Variants in GRID2 observed in about 807,000 individuals in gnomAD.
GRID2 encodes the protein glutamate ionotropic receptor delta type subunit 2.
In GRID2, 33 loss-of-function variants were observed where a neutral mutation model predicts 114.8. That is an observed-to-expected ratio of 0.29 (90% CI 0.22 to 0.38). GRID2 has a LOEUF of 0.38. Ranked by LOEUF, GRID2 falls within the 10% of genes least tolerant of loss-of-function variation. The pLI, the probability that GRID2 is intolerant of heterozygous loss-of-function variation, is 1.00. For missense variants in GRID2, 1,184 were observed against 1,257.7 expected, an observed-to-expected ratio of 0.94 and a Z score of 0.89; for synonymous variants, 505 against 449.9, an observed-to-expected ratio of 1.12 and a Z score of -1.55.
intron 1 of GRID2, among the ~76,000 whole-genome samples, chr4:93,779,827 G>C (rs1284573440): frequency 1.3e-5 from 2 of 152,180 alleles, no homozygotes; most frequent in Non-Finnish European, 2.9e-5. Context: ...AGTAGACCAC[G>C]ATGTCTGGAA....
intron 14 of GRID2, among the ~76,000 whole-genome samples, chr4:93,736,784 G>A (rs1730955480): frequency 6.9e-6 from 1 of 144,108 alleles, no homozygotes; most frequent in Non-Finnish European, 1.5e-5. Context: ...TAAGAGAAAA[G>A]CCTGAAGTAA....
chr4:93,587,347 T>A (rs866954617), intron 13 of GRID2, among the ~76,000 whole-genome samples: 27 of 152,260 alleles, frequency 1.8e-4, no homozygotes, highest in African/African-American at 5.5e-4. Context: ...ACGTATTTGA[T>A]AGATATGTTA....
chr4:92,304,596 T>A lies in GRID2; in HGVS notation c.-61T>A. ...CACCGTGACCTCAAACTCTTTGGAC[T>A]GTTTGAAAAAAAAAAAATTGGAAGA... On this transcript the variant is annotated 5_prime_UTR_variant, in exon 1 of 16. Coordinates refer to ENST00000282020, the MANE Select transcript of GRID2 (RefSeq NM_001510.4). 8.9e-7 allele frequency: 1 copy of A among 1,124,028 alleles called. No individual in the cohort carries two copies. The highest frequency in any genetic ancestry group is 1.2e-5 in the South Asian group (1 of 80,802). 69.6% of individuals were successfully genotyped at this position (1,124,028 alleles called of 1,614,324 possible). A position where few individuals can be genotyped will look rare whatever the true frequency, so the allele number is the denominator to read the frequency against.
intron 8 of GRID2, among the ~76,000 whole-genome samples, chr4:93,362,882 C>A (rs925303712): frequency 6.6e-6 from 1 of 152,114 alleles, no homozygotes; most frequent in African/African-American, 2.4e-5. Flanking sequence ...TATACTCATG[C>A]AAGCTCATAC....
intron 1 of GRID2, among the ~76,000 whole-genome samples, chr4:93,782,817 A>G (rs1734506090): frequency 1.3e-5 from 2 of 152,148 alleles, no homozygotes; most frequent in Admixed American, 1.3e-4. Context: ...TGATTTCCCA[A>G]TTATTTGAGA....
chr4:93,708,274 T>C (rs1351329115), intron 14 of GRID2, among the ~76,000 whole-genome samples: 2 of 151,960 alleles, frequency 1.3e-5, no homozygotes, highest in Non-Finnish European at 2.9e-5. Flanking sequence ...GAATAATCTT[T>C]CCAGTGCTGT....
intron 8 of GRID2, among the ~76,000 whole-genome samples, chr4:93,378,618 G>A (rs1403901290): frequency 6.6e-6 from 1 of 152,060 alleles, no homozygotes; most frequent in Non-Finnish European, 1.5e-5. Context: ...TGATATTTAA[G>A]TGGATATTTA....
chr4:92,789,102 A>G (rs533852412), intron 2 of GRID2, among the ~76,000 whole-genome samples: 3 of 152,012 alleles, frequency 2.0e-5, no homozygotes, highest in East Asian at 3.9e-4. Context: ...ATTAGCATTT[A>G]GAAGATATTA....
intron 2 of GRID2, among the ~76,000 whole-genome samples, chr4:92,774,734 TA>T (rs574377827): frequency 1.6e-3 from 246 of 152,102 alleles, no homozygotes; most frequent in African/African-American, 5.8e-3. Context: ...TAGCTGGGAC[TA>T]CAGGCTCACA....
At chr4:93,178,736 G>A (rs1440307566) in intron 4 of GRID2, among the ~76,000 whole-genome samples, 1 of 151,934 alleles carries the variant, frequency 6.6e-6, no homozygotes, top group Non-Finnish European at 1.5e-5. Flanking sequence ...TATGCGATGT[G>A]TGTGAATGTG....
chr4:93,695,137 C>G (rs1726904654), intron 14 of GRID2, among the ~76,000 whole-genome samples: 1 of 148,798 alleles, frequency 6.7e-6, no homozygotes, highest in Non-Finnish European at 1.5e-5. Context: ...AGCCACTGCA[C>G]TCCAGCCTGG....
chr4:93,573,371 A>G (rs1047113766), intron 13 of GRID2, among the ~76,000 whole-genome samples: 6 of 152,170 alleles, frequency 3.9e-5, no homozygotes, highest in African/African-American at 1.2e-4. Context: ...GCACAGTGCT[A>G]TACATGTTAA....
At chr4:93,620,831 A>G (rs898388089) in intron 13 of GRID2, among the ~76,000 whole-genome samples, 3 of 152,198 alleles carry the variant, frequency 2.0e-5, no homozygotes, top group African/African-American at 7.2e-5. Context: ...TACTATTGAT[A>G]AGGAATTTAA....
At chr4:92,897,439 A>G (rs1439629825) in intron 2 of GRID2, among the ~76,000 whole-genome samples, 1 of 152,176 alleles carries the variant, frequency 6.6e-6, no homozygotes, top group African/African-American at 2.4e-5. Context: ...TTAAAAAAAA[A>G]GTAAGTTAGA....
intron 4 of GRID2, among the ~76,000 whole-genome samples, chr4:93,177,067 A>G (rs552100878): frequency 1.4e-3 from 214 of 152,264 alleles, no homozygotes; most frequent in African/African-American, 4.9e-3. Context: ...TATGGATCCA[A>G]TTTAGGTTAC....
intron 2 of GRID2, among the ~76,000 whole-genome samples, chr4:92,951,543 A>ATCC (rs1752040546): frequency 6.6e-6 from 1 of 151,950 alleles, no homozygotes; most frequent in African/African-American, 2.4e-5. Context: ...GGGTTTCAAC[A>ATCC]TGTTGCCCAG....
intron 1 of GRID2, among the ~76,000 whole-genome samples, chr4:92,514,493 A>C (rs1417777184): frequency 6.6e-6 from 1 of 151,888 alleles, no homozygotes; most frequent in African/African-American, 2.4e-5. Flanking sequence ...AAAGTCTGCT[A>C]TTTCCATAGG....
At chr4:93,173,655 C>T (rs1360471661) in intron 4 of GRID2, among the ~76,000 whole-genome samples, 1 of 151,936 alleles carries the variant, frequency 6.6e-6, no homozygotes, top group Admixed American at 6.6e-5. Flanking sequence ...TTTTTTGAGA[C>T]GTCTCATTCT....
chr4:92,942,283 T>G (rs1751214226), intron 2 of GRID2, among the ~76,000 whole-genome samples: 2 of 152,222 alleles, frequency 1.3e-5, no homozygotes, highest in Admixed American at 1.3e-4. Context: ...TTTAGGATAG[T>G]TAGCTCTTCT....
Sources: gnomAD v4.1 joint callset for allele counts (sites outside exome capture counted in the v4.1 genomes callset) on GRCh38, gnomAD v4.1.1 for gene constraint, MANE v1.5 for transcripts, NCBI Gene and HGNC (gene_info 2026-07-23, HGNC 2026-07-21) for gene names.